DNAH11: variants seen among roughly 807,000 people sequenced by gnomAD.
The protein encoded by DNAH11 is axonemal beta dynein heavy chain 11.
Under a neutral mutation model 526.0 loss-of-function variants are expected in DNAH11, and 442 were observed. That is an observed-to-expected ratio of 0.84 (90% CI 0.78 to 0.91). DNAH11 has a LOEUF of 0.91. Ranked by LOEUF, DNAH11 falls within the 40% of genes least tolerant of loss-of-function variation. The probability of loss-of-function intolerance (pLI) is 0.00; values close to 1 mark genes in which losing one functional copy is unlikely to be tolerated. For missense variants in DNAH11, 6,989 were observed against 5,448.7 expected (o/e 1.28, Z -8.90); for synonymous variants, 2,461 against 1,935.9 (o/e 1.27, Z -7.12).
rs968605078 is a variant in DNAH11 at position 21,656,105 on chromosome 7, G to A, written c.5094+124G>A. The A allele has an allele frequency of 1.8e-5, 20 of 1,113,016 alleles. No individual in the cohort carries two copies. In the Middle Eastern group the frequency reaches 6.3e-4, roughly 35 times the overall value. 68.9% of individuals were successfully genotyped at this position (1,113,016 alleles called of 1,614,324 possible). On this transcript the variant is annotated intron_variant, in intron 29 of 81. Transcript: ENST00000409508. ...TCAGGCTCTGCTTAGTTTTGTGCTC[G>A]GAGGTTCCTTTTTATCTGTATCCAC...
At chr7:21,704,319 C>T in intron 37 of DNAH11, 115 bp from the exon 38 acceptor site, 1 of 1,024,106 alleles carries the variant, frequency 9.8e-7, no homozygotes, top group Non-Finnish European at 1.4e-6. Flanking sequence ...TAATGGAGAA[C>T]AGTACCAATA....
At chr7:21,680,228 A>C (rs1783083272) in intron 30 of DNAH11, among the ~76,000 whole-genome samples, 1 of 152,306 alleles carries the variant, frequency 6.6e-6, no homozygotes, top group South Asian at 2.1e-4. Flanking sequence ...GTATTTTGAC[A>C]GTAGGCTACA....
At chr7:21,844,045 A>G (rs1394328435) in intron 66 of DNAH11, among the ~76,000 whole-genome samples, 1 of 152,238 alleles carries the variant, frequency 6.6e-6, no homozygotes, top group East Asian at 1.9e-4. Context: ...TTTTCTTAGT[A>G]TAAATCAGGG....
rs746317366 is a variant in DNAH11, at chr7:21,842,632, C to T, written c.10780C>T (p.Pro3594Ser). ...AAAATTGGCAAATCCTCACTATAAGCCGGAATTACAAGCTCAGACAACTCT... is the reference window on the plus strand; with the variant it reads ...AAAATTGGCAAATCCTCACTATAAGTCGGAATTACAAGCTCAGACAACTCT... ...HTKLANPHYK[P>S]ELQAQTTLLN... The change falls in exon 66 of 82, where the codon CCG becomes TCG. Residue 3594 changes from proline to serine, a missense_variant. Physicochemically the swap from Pro to Ser is moderately conservative, Grantham distance 74. Coordinates refer to ENST00000409508, the MANE Select transcript of DNAH11 (RefSeq NM_001277115.2). 3.1e-6 allele frequency: 5 copies of T among 1,613,780 alleles called. No individual in the cohort carries two copies.
At chr7:21,670,302 A>T (rs1183765040) in intron 30 of DNAH11, among the ~76,000 whole-genome samples, 1 of 151,970 alleles carries the variant, frequency 6.6e-6, no homozygotes, top group East Asian at 1.9e-4. Flanking sequence ...TCTATTTTAT[A>T]TAATAATTTT....
chr7:21,895,040 C>T, intron 79 of DNAH11, 41 bp downstream of exon 79: 2 of 1,531,120 alleles, frequency 1.3e-6, no homozygotes, highest in Non-Finnish European at 1.8e-6. Context: ...CCTGAGCAGC[C>T]TCGGTGCTGG....
chr7:21,814,001 A>T (rs961286875), intron 63 of DNAH11, among the ~76,000 whole-genome samples: 10 of 152,242 alleles, frequency 6.6e-5, no homozygotes, highest in African/African-American at 2.4e-4. Flanking sequence ...TAGATGAGAC[A>T]GCCTATTACA....
At chr7:21,884,738 C>G (rs193212630) in intron 76 of DNAH11, among the ~76,000 whole-genome samples, 9 of 152,100 alleles carry the variant, frequency 5.9e-5, no homozygotes, top group African/African-American at 9.7e-5. Flanking sequence ...TTTTCTAGAC[C>G]GAGATGCTGA....
At chr7:21,549,860 G>A (rs1487819496) in intron 2 of DNAH11, among the ~76,000 whole-genome samples, 1 of 152,138 alleles carries the variant, frequency 6.6e-6, no homozygotes, top group East Asian at 1.9e-4. Flanking sequence ...TGAGAGAGCT[G>A]TTTCTGATTT....
rs149820560 is a variant in DNAH11, at chr7:21,701,796, G to A, written c.6181-914G>A. ...CTTTACTCCTACAACCACTTATAAA[G>A]TAGGTGGGTGCTTTTATCTCCCTTT... On this transcript the variant is annotated intron_variant, in intron 36 of 81. Transcript: ENST00000409508. Among the ~76,000 whole-genome samples, 636 of 152,294 alleles carry A rather than the reference G, an allele frequency of 4.2e-3. 7 individuals carry two copies. The highest frequency in any genetic ancestry group is 0.015 in the African/African-American group (606 of 41,546).
chr7:21,824,616 T>C (rs147448282), intron 65 of DNAH11, among the ~76,000 whole-genome samples: 3 of 152,264 alleles, frequency 2.0e-5, no homozygotes, highest in African/African-American at 7.2e-5. Flanking sequence ...ATGCTCAACA[T>C]CATTAGTCAT....
intron 65 of DNAH11, among the ~76,000 whole-genome samples, chr7:21,832,651 A>G (rs1300136681): frequency 2.6e-5 from 4 of 152,322 alleles, no homozygotes; most frequent in South Asian, 2.1e-4. Context: ...ATCGTTATAT[A>G]TAGTGGCTAA....
chr7:21,551,117 T>A (rs575149494), intron 2 of DNAH11, among the ~76,000 whole-genome samples: 34 of 152,308 alleles, frequency 2.2e-4, no homozygotes, highest in African/African-American at 7.7e-4. Context: ...AGTTTTCTCA[T>A]GGAGTTTACT....
At chr7:21,738,355 C>G (rs1467252936) in intron 46 of DNAH11, among the ~76,000 whole-genome samples, 4 of 152,188 alleles carry the variant, frequency 2.6e-5, no homozygotes, top group Admixed American at 2.6e-4. Context: ...CAGGCCATAG[C>G]TGGACTAGCA....
intron 43 of DNAH11, among the ~76,000 whole-genome samples, chr7:21,719,487 C>T (rs146451114): frequency 2.6e-5 from 4 of 152,312 alleles, no homozygotes; most frequent in Admixed American, 6.5e-5. Flanking sequence ...GATAGCGTCA[C>T]GTTGAGACCC....
chr7:21,787,052 A>G (rs1230984245), intron 59 of DNAH11, among the ~76,000 whole-genome samples: 1 of 152,198 alleles, frequency 6.6e-6, no homozygotes, highest in Non-Finnish European at 1.5e-5. Context: ...AGAAAATGAC[A>G]TGGATTTCTT....
At chr7:21,886,186 T>G (rs1431827968) in intron 76 of DNAH11, among the ~76,000 whole-genome samples, 1 of 152,232 alleles carries the variant, frequency 6.6e-6, no homozygotes, top group Non-Finnish European at 1.5e-5. Flanking sequence ...AAGCATTATA[T>G]AGATTTGATC....
intron 27 of DNAH11, among the ~76,000 whole-genome samples, chr7:21,638,686 A>G (rs1159507593): frequency 7.9e-6 from 1 of 126,770 alleles, no homozygotes; most frequent in Non-Finnish European, 1.6e-5. Context: ...AGCCACAGCT[A>G]ATGGGGTGTG....
rs72494316 is a variant in DNAH11 at position 21,551,001 on chromosome 7, C to T, written c.495+5852C>T. On this transcript the variant is annotated intron_variant, in intron 2 of 81. Transcript: ENST00000409508. ...TGACAAGTTACACAACTTCCACATA[C>T]TTATTTAGTGAGGGTATAAATCCCT... Among the ~76,000 whole-genome samples the T allele has an allele frequency of 5.9e-3, 904 of 152,274 alleles. 45 individuals are homozygous for T. In the East Asian group the frequency reaches 0.13, roughly 22 times the overall value.
Sources: gnomAD v4.1 joint callset for allele counts (sites outside exome capture counted in the v4.1 genomes callset) on GRCh38, gnomAD v4.1.1 for gene constraint, MANE v1.5 for transcripts, NCBI Gene and HGNC (gene_info 2026-07-23, HGNC 2026-07-21) for gene names.